SPOCK3: variants seen among roughly 807,000 people sequenced by gnomAD.
SPOCK3 encodes the protein testican-3.
SPOCK3 carries 30 observed loss-of-function variants against 56.6 expected under a neutral mutation model. The observed-to-expected ratio is 0.53, with a 90% CI of 0.40 to 0.72. SPOCK3 has a LOEUF of 0.72. Among genes scored for constraint, SPOCK3 ranks in the 30% least tolerant of loss-of-function variants. The probability of loss-of-function intolerance (pLI) is 0.00; values close to 1 mark genes in which losing one functional copy is unlikely to be tolerated. For missense variants in SPOCK3, 527 were observed against 530.0 expected, an observed-to-expected ratio of 0.99 and a Z score of 0.06; for synonymous variants, 196 against 183.3, an observed-to-expected ratio of 1.07 and a Z score of -0.56.
intron 2 of SPOCK3, among the ~76,000 whole-genome samples, chr4:167,170,968 G>A (rs943257941): frequency 6.6e-6 from 1 of 152,060 alleles, no homozygotes; most frequent in African/African-American, 2.4e-5. Flanking sequence ...AAAAGCAAAT[G>A]GGGTGAGGAG....
intron 2 of SPOCK3, among the ~76,000 whole-genome samples, chr4:167,221,675 C>A (rs985778600): frequency 3.9e-5 from 6 of 152,074 alleles, no homozygotes; most frequent in Non-Finnish European, 7.4e-5. Flanking sequence ...AAATGCTGTA[C>A]AAGTGGCTAA....
At chr4:166,913,129 G>A (rs1737458957) in intron 4 of SPOCK3, among the ~76,000 whole-genome samples, 1 of 152,084 alleles carries the variant, frequency 6.6e-6, no homozygotes, top group Non-Finnish European at 1.5e-5. Flanking sequence ...ATATAAAAAA[G>A]ATGACATCTA....
At chr4:167,186,653 C>CA (rs70957818) in intron 2 of SPOCK3, among the ~76,000 whole-genome samples, 5,980 of 151,082 alleles carry the variant, frequency 0.04, 157 homozygotes, top group Middle Eastern at 0.075. Context: ...ACAACAACAA[C>CA]AAAAAAAACA....
intron 6 of SPOCK3, among the ~76,000 whole-genome samples, chr4:166,850,824 CAG>C (rs1231949644): frequency 6.6e-6 from 1 of 152,196 alleles, no homozygotes; most frequent in African/African-American, 2.4e-5. Context: ...CCTACACCCA[CAG>C]AGTCTCACTG....
chr4:166,833,504 T>C (rs1746299139), intron 6 of SPOCK3, among the ~76,000 whole-genome samples: 1 of 152,174 alleles, frequency 6.6e-6, no homozygotes, highest in Admixed American at 6.5e-5. Context: ...CGGTTTTTGG[T>C]TCGTGTGCAT....
At chr4:166,736,063 T>A (rs1734189585) in intron 10 of SPOCK3, among the ~76,000 whole-genome samples, 1 of 152,126 alleles carries the variant, frequency 6.6e-6, no homozygotes, top group African/African-American at 2.4e-5. Context: ...TTCTTATAAT[T>A]ATTTGGTATC....
intron 8 of SPOCK3, among the ~76,000 whole-genome samples, chr4:166,749,583 A>G (rs1736103583): frequency 6.6e-6 from 1 of 152,052 alleles, no homozygotes; most frequent in Non-Finnish European, 1.5e-5. Context: ...ACATGTATAC[A>G]TATGTAACAA....
intron 6 of SPOCK3, among the ~76,000 whole-genome samples, chr4:166,823,560 C>T (rs572820762): frequency 2.6e-5 from 4 of 152,114 alleles, no homozygotes; most frequent in South Asian, 2.1e-4. Flanking sequence ...ACAATAAACA[C>T]GATTTAAGGG....
chr4:167,039,976 C>T (rs1188482861), intron 3 of SPOCK3, among the ~76,000 whole-genome samples: 2 of 152,052 alleles, frequency 1.3e-5, no homozygotes, highest in Non-Finnish European at 2.9e-5. Flanking sequence ...AAAATGTTGC[C>T]TTTGGCCTTG....
intron 2 of SPOCK3, among the ~76,000 whole-genome samples, chr4:167,133,234 G>A (rs1197187395): frequency 6.6e-6 from 1 of 152,062 alleles, no homozygotes; most frequent in Non-Finnish European, 1.5e-5. Flanking sequence ...AAGGCTGGAG[G>A]GTCAGCATGA....
chr4:166,887,639 T>A (rs892250755), intron 6 of SPOCK3, among the ~76,000 whole-genome samples: 2 of 152,048 alleles, frequency 1.3e-5, no homozygotes, highest in South Asian at 2.1e-4. Flanking sequence ...GAGAGTGGAT[T>A]GGAGGAGATG....
intron 2 of SPOCK3, among the ~76,000 whole-genome samples, chr4:167,229,067 T>C (rs1736876956): frequency 6.6e-6 from 1 of 152,126 alleles, no homozygotes; most frequent in Non-Finnish European, 1.5e-5. Flanking sequence ...CAGTGAAATA[T>C]AGGTAATTAT....
At chr4:166,979,391 T>C (rs765286047) in intron 4 of SPOCK3, among the ~76,000 whole-genome samples, 7 of 152,150 alleles carry the variant, frequency 4.6e-5, no homozygotes, top group Non-Finnish European at 1.0e-4. Flanking sequence ...CATAAAACAC[T>C]ACAAAAACTC....
intron 9 of SPOCK3, 26 bp downstream of exon 9, chr4:166,741,971 C>G (rs780282453): frequency 6.5e-7 from 1 of 1,537,856 alleles, no homozygotes; most frequent in South Asian, 1.1e-5. Context: ...GCAATAAAGC[C>G]TTCAGAAGAA....
At chr4:166,803,872 C>A (rs936353137) in intron 6 of SPOCK3, among the ~76,000 whole-genome samples, 1 of 152,026 alleles carries the variant, frequency 6.6e-6, no homozygotes, top group Non-Finnish European at 1.5e-5. Context: ...CATGATTGTT[C>A]CTACTGTTTT....
At chr4:166,836,703 CT>C (rs1451081381) in intron 6 of SPOCK3, among the ~76,000 whole-genome samples, 5 of 151,984 alleles carry the variant, frequency 3.3e-5, no homozygotes, top group African/African-American at 7.2e-5. Context: ...TGAAAAGACT[CT>C]TTCCATCAAA....
chr4:166,754,570 T>C lies in SPOCK3; in HGVS notation c.869A>G (p.Asp290Gly), dbSNP rs766293976. ...QCTKAFFNSC[D>G]TYKDSLISNN... Reference sequence around the variant, plus strand: ...AGATATTAAACTGTCCTTGTATGTGTCACAAGAATTGAAGAATGCCTTGGT... The same window carrying C: ...AGATATTAAACTGTCCTTGTATGTGCCACAAGAATTGAAGAATGCCTTGGT... Residue 290 changes from aspartate to glycine, a missense_variant, in exon 8 of 11, where the codon GAC becomes GGC. Transcript: ENST00000357545. 5 of 1,613,542 alleles carry C rather than the reference T, an allele frequency of 3.1e-6. No homozygotes were observed. The highest frequency in any genetic ancestry group is 1.3e-5 in the African/African-American group (1 of 74,892).
chr4:166,840,771 GTTTTTT>G lies in SPOCK3; in HGVS notation c.589+48353_589+48358del, dbSNP rs70955697. Among the ~76,000 whole-genome samples, 17 of 68,176 alleles carry G rather than the reference GTTTTTT, an allele frequency of 2.5e-4. 1 individual carries two copies. Among genetic ancestry groups the G allele is most frequent in the African/African-American group, 6.1e-4 (11 of 17,988 alleles). The allele number at this position is 68,176 out of a possible 152,430, so 44.7% of individuals were successfully genotyped here. On this transcript the variant is annotated intron_variant, in intron 6 of 10. Transcript: ENST00000357545. ...CTAATTCATCTTCCCAGAAGCAAAA[GTTTTTT>G]TTTTTTTTTTTTTTTTTTTTAGATG... is the stretch of plus-strand genomic sequence containing the variant.
chr4:166,946,608 C>T (rs552037967), intron 4 of SPOCK3, among the ~76,000 whole-genome samples: 72 of 152,312 alleles, frequency 4.7e-4, no homozygotes, highest in African/African-American at 1.6e-3. Context: ...TTTCCCTGAC[C>T]ATCATCCTCG....
Sources: allele counts gnomAD v4.1 joint callset (sites outside exome capture counted in the v4.1 genomes callset), GRCh38; gene constraint gnomAD v4.1.1; transcripts MANE v1.5; gene names NCBI Gene and HGNC (gene_info 2026-07-23, HGNC 2026-07-21).